MYO9A: variants seen among roughly 807,000 people sequenced by gnomAD.
MYO9A encodes the protein myosin IXA, also known as unconventional myosin-IXa.
MYO9A carries 103 observed loss-of-function variants against 293.3 expected under a neutral mutation model. The ratio of observed to expected loss-of-function variants is 0.35; its 90% CI spans 0.30 to 0.41. The LOEUF is 0.41. Among genes scored for constraint, MYO9A ranks in the 10% least tolerant of loss-of-function variants. The pLI, the probability that MYO9A is intolerant of heterozygous loss-of-function variation, is 1.00. For synonymous variants in MYO9A, 1,001 were observed against 1,035.7 expected, an observed-to-expected ratio of 0.97 and a Z score of 0.64; for missense variants, 2,685 against 3,033.0, an observed-to-expected ratio of 0.89 and a Z score of 2.69.
chr15:72,065,440 G>C (rs12908300), intron 1 of MYO9A, among the ~76,000 whole-genome samples: 111 of 150,842 alleles, frequency 7.4e-4, no homozygotes, highest in African/African-American at 2.6e-3. Context: ...GCTTGAACCC[G>C]GGAGGCGGAG....
In MYO9A at chr15:71,854,510, T is replaced by G. The variant is rs755148182; in HGVS notation, c.6213A>C (p.Glu2071Asp). 1 of 1,613,464 alleles carries G rather than the reference T, an allele frequency of 6.2e-7. No homozygotes were observed. Reference protein sequence around the residue: ...FGVELSRLTSEDRTVPLVVEK... With the variant: ...FGVELSRLTSDDRTVPLVVEK... ...CCACTACTAAAGGAACAGTTCGGTC[T>G]TCACTGGTCAAACGGGACAGTTCAA... is the stretch of plus-strand genomic sequence containing the variant. Residue 2071 changes from glutamate to aspartate, a missense_variant, in exon 35 of 42, where the codon GAA (glutamate) becomes GAC (aspartate). By Grantham distance (45) the Glu-to-Asp change is conservative. Coordinates refer to ENST00000356056, the MANE Select transcript of MYO9A (RefSeq NM_006901.4).
intron 1 of MYO9A, among the ~76,000 whole-genome samples, chr15:72,074,617 T>C (rs1026475100): frequency 6.6e-6 from 1 of 152,188 alleles, no homozygotes; most frequent in Non-Finnish European, 1.5e-5. Context: ...TTCTTCCCCA[T>C]GGAGCTTTAA....
chr15:71,897,808 G>A lies in MYO9A; in HGVS notation c.4695C>T (p.Thr1565=), dbSNP rs200475088. The A allele has an allele frequency of 4.3e-6, 7 of 1,613,880 alleles. No homozygotes were observed. The Admixed American group carries it at 6.7e-5, about 15-fold the overall frequency. ...GTACATTAAGTTCTCCCTTATTTGA[G>A]GTATTTAAGCTGAGGAGAGAGGATG... ...ERPSSLLSLN[T]SNKGELNVLG... is the part of the protein sequence containing the mutation. The change falls in exon 25 of 42, where the codon ACC becomes ACT. Residue 1565 remains threonine, a synonymous_variant. Coordinates refer to ENST00000356056, the MANE Select transcript of MYO9A (RefSeq NM_006901.4).
intron 39 of MYO9A, among the ~76,000 whole-genome samples, chr15:71,845,695 G>A (rs1294907810): frequency 1.3e-5 from 2 of 152,058 alleles, no homozygotes; most frequent in Non-Finnish European, 2.9e-5. Flanking sequence ...TAAAAAGTCA[G>A]TTTCACTTCA....
At chr15:71,924,221 TTTA>T (rs535851968) in intron 18 of MYO9A, among the ~76,000 whole-genome samples, 43 of 151,444 alleles carry the variant, frequency 2.8e-4, no homozygotes, top group South Asian at 8.3e-4. Context: ...TGAAATTTTG[TTTA>T]TTATTATTAT....
intron 15 of MYO9A, among the ~76,000 whole-genome samples, chr15:71,941,350 G>A (rs1295286167): frequency 1.3e-5 from 2 of 152,144 alleles, no homozygotes; most frequent in East Asian, 1.9e-4. Context: ...GAGGAGAATC[G>A]CTCAAACCCA....
chr15:71,951,820 C>A lies in MYO9A; in HGVS notation c.2259G>T (p.Gln753His). Residue 753 changes from glutamine (Q) to histidine (H), a missense_variant, in exon 15 of 42, where the codon CAG becomes CAT. Physicochemically the swap from Gln to His is conservative, Grantham distance 24. Coordinates refer to ENST00000356056, the MANE Select transcript of MYO9A (RefSeq NM_006901.4). ...SFSFLQHPVH[Q>H]RSLEILQRCK... Reference sequence around the variant, plus strand: ...ATCTCTGCAGAATCTCTAAGCTCCTCTGGTGGACTGGGTGTTGGAGAAAGC... The same window carrying A: ...ATCTCTGCAGAATCTCTAAGCTCCTATGGTGGACTGGGTGTTGGAGAAAGC... 6.2e-7 allele frequency: 1 copy of A among 1,613,508 alleles called. No homozygotes were observed. Among genetic ancestry groups the A allele is most frequent in the East Asian group, 2.2e-5 (1 of 44,856 alleles).
In MYO9A at chr15:71,899,358, TTTTAA is replaced by T. The variant is rs67715200; in HGVS notation, c.3470+324_3471-327del. On this transcript the variant is annotated intron_variant, in intron 24 of 41. Coordinates refer to ENST00000356056, the MANE Select transcript of MYO9A (RefSeq NM_006901.4). Reference sequence around the variant, plus strand: ...TTTTAAGTGTGAAATTAAAGTGAAATTTTAATTTAAGTGTGAAATTAAAGTTTCTG... The same window carrying T: ...TTTTAAGTGTGAAATTAAAGTGAAATTTTAAGTGTGAAATTAAAGTTTCTG... Among the ~76,000 whole-genome samples, 30,129 of 152,010 alleles carry T rather than the reference TTTTAA, an allele frequency of 0.2. 3,192 individuals carry two copies. The highest frequency in any genetic ancestry group is 0.4 in the East Asian group (2,077 of 5,138).
Position 71,826,603 on chromosome 15 carries a change from C to G in MYO9A, c.7624G>C (p.Gly2542Arg). ...GTTCAGACCATAAATTCATTATTTCCAAAGAGTGCTAGCTGTTGGTTGGAG... is the reference window on the plus strand; with the variant it reads ...GTTCAGACCATAAATTCATTATTTCGAAAGAGTGCTAGCTGTTGGTTGGAG... ...CTSNQQLALF[G>R]NNEFMV Residue 2542 changes from glycine (G) to arginine (R), a missense_variant, in exon 42 of 42, where the codon GGA becomes CGA. This residue lies in a region of MYO9A where 350 missense variants were observed against 328.9 expected (regional missense o/e 1.06). Transcript: ENST00000356056. 6.3e-7 allele frequency: 1 copy of G among 1,597,234 alleles called. No individual in the cohort carries two copies. The highest frequency in any genetic ancestry group is 2.2e-5 in the East Asian group (1 of 44,804).
rs200866619 is a variant in MYO9A at position 71,878,740 on chromosome 15, A to ATTTTTTT, written c.5740-516_5740-510dup. 3.4e-4 allele frequency among the ~76,000 whole-genome samples: 37 copies of ATTTTTTT among 108,638 alleles called. 1 individual carries two copies. Among genetic ancestry groups the ATTTTTTT allele is most frequent in the African/African-American group, 1.0e-3 (29 of 29,066 alleles). 71.3% of individuals were successfully genotyped at this position (108,638 alleles called of 152,430 possible). On this transcript the variant is annotated intron_variant, in intron 30 of 41. Transcript: ENST00000356056. ...TTCTTTTATTTAAATGAGATCTGGAATTTTTTTTTTTTTTTTTTTTTTTTT... is the reference window on the plus strand; with the variant it reads ...TTCTTTTATTTAAATGAGATCTGGAATTTTTTTTTTTTTTTTTTTTTTTTTTTTTTTT...
chr15:72,079,660 G>A (rs1184388978), intron 1 of MYO9A, among the ~76,000 whole-genome samples: 1 of 152,156 alleles, frequency 6.6e-6, no homozygotes, highest in Non-Finnish European at 1.5e-5. Flanking sequence ...CTACTGTGAA[G>A]GGAATGAAAG....
intron 11 of MYO9A, among the ~76,000 whole-genome samples, chr15:71,984,262 G>C (rs890248457): frequency 6.6e-6 from 1 of 152,226 alleles, no homozygotes; most frequent in Admixed American, 6.5e-5. Flanking sequence ...AAGTTATGAT[G>C]CTTGGTAGTT....
chr15:72,105,502 C>CTTT lies in MYO9A; in HGVS notation c.-72+12175_-72+12177dup, dbSNP rs35861022. On this transcript the variant is annotated intron_variant, in intron 1 of 41. Coordinates refer to ENST00000356056, the MANE Select transcript of MYO9A (RefSeq NM_006901.4). ...TCAGCCTCCCGAAATGCTGGGAAAG[C>CTTT]TTTTTTTTTTTTTTTTTTTTTTTTG... 2.0e-3 allele frequency among the ~76,000 whole-genome samples: 178 copies of CTTT among 89,248 alleles called. 1 individual carries two copies. The highest frequency in any genetic ancestry group is 3.6e-3 in the African/African-American group (82 of 22,550). 58.6% of individuals were successfully genotyped at this position (89,248 alleles called of 152,430 possible).
chr15:71,949,411 G>GTGTTTTTT (rs2059000341), intron 15 of MYO9A, among the ~76,000 whole-genome samples: 1 of 150,526 alleles, frequency 6.6e-6, no homozygotes, highest in Non-Finnish European at 1.5e-5. Flanking sequence ...ACTATGCTGG[G>GTGTTTTTT]TGTTTTTTTG....
chr15:71,984,138 T>G (rs2076349537), intron 11 of MYO9A, among the ~76,000 whole-genome samples: 1 of 152,248 alleles, frequency 6.6e-6, no homozygotes, highest in African/African-American at 2.4e-5. Context: ...ACATGAGATA[T>G]TCAACATTTT....
intron 3 of MYO9A, among the ~76,000 whole-genome samples, chr15:72,028,848 TTTACTCTATA>T: frequency 6.6e-6 from 1 of 152,158 alleles, no homozygotes. Flanking sequence ...TATATAATGA[TTTACTCTATA>T]GTTATTTATT....
chr15:71,827,141 T>G lies in MYO9A; in HGVS notation c.7184-98A>C, dbSNP rs1015551421. On this transcript the variant is annotated intron_variant, in intron 41 of 41. Transcript: ENST00000356056. ...GCCACTGTTCACACATGAAATTGGG[T>G]GGGATAAGATTCAGAGGGTCCAGGA... 9.6e-6 allele frequency: 9 copies of G among 942,192 alleles called. 1 individual carries two copies. In the Admixed American group the frequency reaches 1.4e-4, roughly 15 times the overall value. 58.4% of individuals were successfully genotyped at this position (942,192 alleles called of 1,614,324 possible).
chr15:71,991,491 G>A (rs372636459), intron 10 of MYO9A, among the ~76,000 whole-genome samples: 1 of 152,078 alleles, frequency 6.6e-6, no homozygotes, highest in Non-Finnish European at 1.5e-5. Context: ...GTGAAGCAAG[G>A]TTAGTGGCCT....
chr15:71,957,210 T>C (rs1415546545), intron 14 of MYO9A, among the ~76,000 whole-genome samples: 1 of 152,192 alleles, frequency 6.6e-6, no homozygotes, highest in Non-Finnish European at 1.5e-5. Context: ...ACTTCTAATT[T>C]TCCATATCCT....
Sources: allele counts gnomAD v4.1 joint callset (sites outside exome capture counted in the v4.1 genomes callset), GRCh38; gene constraint gnomAD v4.1.1; regional missense constraint gnomAD v4.1.1; transcripts MANE v1.5; gene names NCBI Gene and HGNC (gene_info 2026-07-23, HGNC 2026-07-21).